Variants in BRD4 observed in about 807,000 individuals in gnomAD.
BRD4 encodes the protein bromodomain-containing protein 4.
A neutral mutation model predicts 142.1 loss-of-function variants in BRD4; 16 were observed. The ratio of observed to expected loss-of-function variants is 0.11; its 90% CI spans 0.08 to 0.17. The LOEUF is 0.17. Among genes scored for constraint, BRD4 ranks in the 10% least tolerant of loss-of-function variants. The pLI is 1.00. For synonymous variants in BRD4, 833 were observed against 707.5 expected (o/e 1.18, Z -2.82); for missense variants, 1,424 against 1,810.9 (o/e 0.79, Z 3.88).
Position 15,273,053 on chromosome 19 carries a change from A to C in BRD4, c.47T>G (p.Val16Gly). 6.2e-7 allele frequency: 1 copy of C among 1,611,128 alleles called. No individual in the cohort carries two copies. The highest frequency in any genetic ancestry group is 8.5e-7 in the Non-Finnish European group (1 of 1,177,806). ...GPGTRLRNLPVMGDGLETSQM... is the reference protein window; with the variant it reads ...GPGTRLRNLPGMGDGLETSQM... ...GGAAGTTTCTAGTCCATCCCCCATT[A>C]CTGGCAGATTTCTCAATCTCGTCCC... is the stretch of plus-strand genomic sequence containing the variant. The change falls in exon 2 of 20, where the codon GTA becomes GGA. Residue 16 changes from valine to glycine, a missense_variant. This residue lies in a region of BRD4 where 70 missense variants were observed against 69.8 expected (regional missense o/e 1.00). Coordinates refer to ENST00000679869, the MANE Select transcript of BRD4 (RefSeq NM_001379291.1).
At chr19:15,265,856 C>A (rs367681236) in intron 4 of BRD4, among the ~76,000 whole-genome samples, 4 of 152,184 alleles carry the variant, frequency 2.6e-5, no homozygotes, top group Admixed American at 2.0e-4. Context: ...TTTCCTAGGG[C>A]GTCCTGGCTG....
rs2047196463 is a variant in BRD4, at chr19:15,236,961, G to A, written c.*1416C>T. Reference sequence around the variant, plus strand: ...AACACTGAGGCACCAGCGTCGTGGTGTAGAGTGGGTTCTCATGGCACGCGT... The same window carrying A: ...AACACTGAGGCACCAGCGTCGTGGTATAGAGTGGGTTCTCATGGCACGCGT... On this transcript the variant is annotated 3_prime_UTR_variant, in exon 20 of 20. Coordinates refer to ENST00000679869, the MANE Select transcript of BRD4 (RefSeq NM_001379291.1). 4.9e-6 allele frequency: 1 copy of A among 202,148 alleles called. No homozygotes were observed. The highest frequency in any genetic ancestry group is 1.0e-5 in the Non-Finnish European group (1 of 99,182). The allele number at this position is 202,148 out of a possible 1,614,324, so 12.5% of individuals were successfully genotyped here.
At chr19:15,312,791 C>A (rs751128719) in intron 1 of BRD4, among the ~76,000 whole-genome samples, 1 of 151,690 alleles carries the variant, frequency 6.6e-6, no homozygotes, top group African/African-American at 2.4e-5. Context: ...CAAAATTAGC[C>A]GGGCGTGGGG....
Position 15,239,518 on chromosome 19 carries a change from C to T in BRD4, c.3450G>A (p.Pro1150=), listed in dbSNP as rs202193292. The T allele has an allele frequency of 6.3e-5, 102 of 1,611,736 alleles. No homozygotes were observed. Among genetic ancestry groups the T allele is most frequent in the Non-Finnish European group, 7.0e-5 (83 of 1,179,182 alleles). The change falls in exon 17 of 20, where the codon CCG becomes CCA. Residue 1150 remains proline, a synonymous_variant. Coordinates refer to ENST00000679869, the MANE Select transcript of BRD4 (RefSeq NM_001379291.1). The surrounding 1 kb of genome is among the most constrained non-coding windows in gnomAD (Gnocchi z 7.4). ...TCCCGACATCCACAGGCTTCATTTC[C>T]GGCCCTGGAACATAAACAGCCGGTG... is the stretch of plus-strand genomic sequence containing the variant. ...IKAPVHLPQR[P]EMKPVDVGRP...
At chr19:15,276,574 C>G (rs535942954) in intron 1 of BRD4, among the ~76,000 whole-genome samples, 13 of 152,122 alleles carry the variant, frequency 8.5e-5, no homozygotes, top group South Asian at 2.1e-4. Context: ...CATGGTCAGC[C>G]CCCTAGGAAC....
chr19:15,309,730 G>A (rs1214598237), intron 1 of BRD4, among the ~76,000 whole-genome samples: 1 of 152,180 alleles, frequency 6.6e-6, no homozygotes, highest in East Asian at 1.9e-4. Context: ...ATTGGGGGTA[G>A]GGGAGGGGAA....
At chr19:15,301,541 C>T (rs904241272) in intron 1 of BRD4, among the ~76,000 whole-genome samples, 5 of 144,260 alleles carry the variant, frequency 3.5e-5, no homozygotes, top group African/African-American at 7.8e-5. Flanking sequence ...CCAGCCTGGG[C>T]GACAGAGCAA....
intron 1 of BRD4, among the ~76,000 whole-genome samples, chr19:15,279,340 G>T (rs1397800171): frequency 3.9e-5 from 6 of 152,206 alleles, no homozygotes; most frequent in African/African-American, 1.4e-4. Flanking sequence ...TCTAACAAAA[G>T]ATATAGAAAA....
chr19:15,246,778 G>T (rs939017229), intron 11 of BRD4, among the ~76,000 whole-genome samples: 1 of 152,120 alleles, frequency 6.6e-6, no homozygotes, highest in Non-Finnish European at 1.5e-5. Context: ...ATATCCTGAG[G>T]ACTTGTCTCC....
intron 7 of BRD4, among the ~76,000 whole-genome samples, chr19:15,263,068 C>A (rs1052924820): frequency 1.3e-5 from 2 of 152,126 alleles, no homozygotes; most frequent in Non-Finnish European, 2.9e-5. Context: ...CCTCAGCTCA[C>A]GACTGTGACA....
At chr19:15,259,119 T>G (rs2047442843) in intron 7 of BRD4, among the ~76,000 whole-genome samples, 1 of 152,010 alleles carries the variant, frequency 6.6e-6, no homozygotes, top group Non-Finnish European at 1.5e-5. Flanking sequence ...GCCCTGGATG[T>G]GGGTGGGCTC....
At chr19:15,245,381 C>T (rs1317983465) in intron 11 of BRD4, among the ~76,000 whole-genome samples, 6 of 151,574 alleles carry the variant, frequency 4.0e-5, no homozygotes, top group South Asian at 2.1e-4. Flanking sequence ...GAGCCCACTC[C>T]GGGAGAAAAA....
rs372323727 is a variant in BRD4 at position 15,263,590 on chromosome 19, G to T, written c.1213-42C>A. The T allele has an allele frequency of 2.5e-6, 4 of 1,608,072 alleles. No homozygotes were observed. The African/African-American group carries it at 5.3e-5, about 21-fold the overall frequency. On this transcript the variant is annotated intron_variant, in intron 6 of 19. Transcript: ENST00000679869. ...GTCCCTGTTAGCTGTGTCTGCCCAT[G>T]TGACCATGGAGAAGTGGCTGGCAGC...
chr19:15,304,600 C>T (rs1270688094), intron 1 of BRD4, among the ~76,000 whole-genome samples: 1 of 152,128 alleles, frequency 6.6e-6, no homozygotes, highest in Non-Finnish European at 1.5e-5. Flanking sequence ...AGACAATGTA[C>T]GAGCAACAAC....
At chr19:15,329,090 T>TA (rs2048134842) in intron 1 of BRD4, among the ~76,000 whole-genome samples, 1 of 152,026 alleles carries the variant, frequency 6.6e-6, no homozygotes. Flanking sequence ...CTTTTTTTTT[T>TA]TTTAAGTTAA....
chr19:15,294,541 C>G (rs2047808323), intron 1 of BRD4, among the ~76,000 whole-genome samples: 2 of 152,354 alleles, frequency 1.3e-5, no homozygotes, highest in East Asian at 3.9e-4. Context: ...AAAGAACTGG[C>G]CCAGAAATCC....
chr19:15,283,116 CTT>C (rs2145651430), intron 1 of BRD4, among the ~76,000 whole-genome samples: 1 of 152,236 alleles, frequency 6.6e-6, no homozygotes, highest in Non-Finnish European at 1.5e-5. Flanking sequence ...GAGCTGGGCA[CTT>C]TGCTCTGCTT....
chr19:15,265,727 C>T, intron 4 of BRD4, 84 bp from the exon 5 acceptor site: 1 of 1,398,276 alleles, frequency 7.2e-7, no homozygotes, highest in Non-Finnish European at 1.0e-6. Flanking sequence ...ACACCACACA[C>T]AGTGAACGCA....
At chr19:15,253,918 A>T in intron 11 of BRD4, 1 of 810,084 alleles carries the variant, frequency 1.2e-6, no homozygotes, top group Non-Finnish European at 1.9e-6. Context: ...CCATGACCAG[A>T]CCCTGGCAGG....
Sources: allele counts gnomAD v4.1 joint callset (sites outside exome capture counted in the v4.1 genomes callset), GRCh38; gene constraint gnomAD v4.1.1; regional missense constraint gnomAD v4.1.1; non-coding constraint Gnocchi (gnomAD v3.1); transcripts MANE v1.5; gene names NCBI Gene and HGNC (gene_info 2026-07-23, HGNC 2026-07-21).